Variants in SHQ1 observed in about 807,000 individuals in gnomAD.
The protein encoded by SHQ1 is protein SHQ1 homolog.
A neutral mutation model predicts 53.8 loss-of-function variants in SHQ1; 49 were observed. The observed-to-expected ratio is 0.91, with a 90% CI of 0.72 to 1.16. The LOEUF (loss-of-function observed/expected upper bound fraction) is 1.16. Ranked by LOEUF, SHQ1 falls within the 50% of genes most tolerant of loss-of-function variation. SHQ1 has a pLI of 0.00. For synonymous variants in SHQ1, 243 were observed against 251.0 expected (o/e 0.97, Z 0.30); for missense variants, 738 against 683.1 (o/e 1.08, Z -0.90).
At chr3:72,801,248 T>C (rs914277690) in intron 9 of SHQ1, among the ~76,000 whole-genome samples, 8 of 152,166 alleles carry the variant, frequency 5.3e-5, no homozygotes, top group Admixed American at 2.0e-4. Flanking sequence ...CCTGAACTTT[T>C]AAAAAACCCA....
At chr3:72,734,126 C>T in the SHQ1 span, among the ~76,000 whole-genome samples, 2 of 151,372 alleles carry the variant, frequency 1.3e-5, no homozygotes, top group South Asian at 2.1e-4. Flanking sequence ...TGCCACTGCA[C>T]TCCAGCCTGG....
chr3:72,788,660 AAG>A (rs780038530), intron 10 of SHQ1, among the ~76,000 whole-genome samples: 4 of 152,232 alleles, frequency 2.6e-5, no homozygotes, highest in Non-Finnish European at 4.4e-5. Context: ...GGAGAAAAGA[AAG>A]AGAGATCAGA....
At chr3:72,826,596 G>C (rs1332422944) in intron 5 of SHQ1, among the ~76,000 whole-genome samples, 1 of 152,106 alleles carries the variant, frequency 6.6e-6, no homozygotes, top group Non-Finnish European at 1.5e-5. Context: ...TTACAATATA[G>C]CAAAATGCTA....
chr3:72,788,476 G>A (rs1190004135), intron 10 of SHQ1, among the ~76,000 whole-genome samples: 4 of 151,184 alleles, frequency 2.6e-5, no homozygotes, highest in Admixed American at 1.3e-4. Flanking sequence ...GTCTCCGCCC[G>A]GCAGCCGCCG....
At chr3:72,792,311 G>C (rs555208242) in intron 10 of SHQ1, among the ~76,000 whole-genome samples, 2 of 152,258 alleles carry the variant, frequency 1.3e-5, no homozygotes, top group Admixed American at 6.5e-5. Flanking sequence ...CAATAGCAAG[G>C]CAATCAATAT....
chr3:72,827,753 C>CTTTTTT (rs397877851), intron 5 of SHQ1, among the ~76,000 whole-genome samples: 1 of 111,688 alleles, frequency 9.0e-6, no homozygotes, highest in African/African-American at 3.5e-5. Context: ...TTTTTCAAGA[C>CTTTTTT]TTTTTTTTTT....
intron 10 of SHQ1, among the ~76,000 whole-genome samples, chr3:72,767,384 G>A (rs187498008): frequency 3.3e-5 from 5 of 152,262 alleles, no homozygotes; most frequent in East Asian, 1.9e-4. Context: ...GTTGATTACC[G>A]ACATACAAGT....
intron 9 of SHQ1, among the ~76,000 whole-genome samples, chr3:72,802,505 ACT>A (rs1242445731): frequency 6.6e-6 from 1 of 152,158 alleles, no homozygotes; most frequent in Non-Finnish European, 1.5e-5. Context: ...GTCCCAGCAC[ACT>A]GTTTCTACCT....
chr3:72,816,241 C>T (rs1409370577), intron 7 of SHQ1, among the ~76,000 whole-genome samples: 4 of 152,000 alleles, frequency 2.6e-5, no homozygotes, highest in East Asian at 1.9e-4. Flanking sequence ...ATAGTATACA[C>T]GTTAGGACCT....
At chr3:72,780,673 A>T (rs1396603311) in intron 10 of SHQ1, among the ~76,000 whole-genome samples, 1 of 152,242 alleles carries the variant, frequency 6.6e-6, no homozygotes, top group Non-Finnish European at 1.5e-5. Context: ...TATAGGATAC[A>T]TACACACCGA....
chr3:72,839,378 C>G (rs1440031295), intron 4 of SHQ1, among the ~76,000 whole-genome samples: 1 of 152,220 alleles, frequency 6.6e-6, no homozygotes, highest in Non-Finnish European at 1.5e-5. Flanking sequence ...CACAACTCAG[C>G]AGAAAAACAC....
chr3:72,836,550 G>A (rs907941995), intron 4 of SHQ1, among the ~76,000 whole-genome samples: 1 of 152,000 alleles, frequency 6.6e-6, no homozygotes, highest in African/African-American at 2.4e-5. Context: ...TCCAGATTCA[G>A]GGCCTCCACT....
chr3:72,813,423 G>A (rs966961701), intron 8 of SHQ1, among the ~76,000 whole-genome samples: 6 of 139,056 alleles, frequency 4.3e-5, no homozygotes, highest in Non-Finnish European at 7.6e-5. Context: ...TCAAGATGGC[G>A]CTACTGCACT....
At position 72,830,055 on chromosome 3, in the gene SHQ1, C is replaced by G. The variant is rs182755331; in HGVS notation, c.599+2314G>C. ...TAAGAAATGGATAATAAAAAACAAT[C>G]AACATTTATGGATCATCTGTTACAT... On this transcript the variant is annotated intron_variant, in intron 5 of 10. Transcript: ENST00000325599. Among the ~76,000 whole-genome samples the G allele has an allele frequency of 2.0e-3, 292 of 148,474 alleles. 1 individual carries two copies. The highest frequency in any genetic ancestry group is 3.6e-3 in the Middle Eastern group (1 of 280).
chr3:72,786,898 G>C (rs1205366863), intron 10 of SHQ1, among the ~76,000 whole-genome samples: 9 of 152,158 alleles, frequency 5.9e-5, no homozygotes, highest in Non-Finnish European at 7.3e-5. Flanking sequence ...TTTGGCAGAG[G>C]AACCAGGAAC....
At chr3:72,813,726 A>C (rs1475109339) in intron 8 of SHQ1, among the ~76,000 whole-genome samples, 2 of 143,618 alleles carry the variant, frequency 1.4e-5, no homozygotes, top group Non-Finnish European at 3.0e-5. Flanking sequence ...GCGCCACTGC[A>C]CTCCAGCCTA....
chr3:72,746,433 G>A (rs1221050849), downstream of SHQ1, among the ~76,000 whole-genome samples: 2 of 152,196 alleles, frequency 1.3e-5, no homozygotes, highest in East Asian at 1.9e-4. Context: ...CACCTCTGGA[G>A]GTGTTTTGGG....
chr3:72,815,351 T>C lies in SHQ1; in HGVS notation c.935A>G (p.Glu312Gly). The change falls in exon 8 of 11, where the codon GAG (glutamate) becomes GGG (glycine). Residue 312 changes from glutamate (E) to glycine (G), a missense_variant and splice_region_variant. Coordinates refer to ENST00000325599, the MANE Select transcript of SHQ1 (RefSeq NM_018130.3). ...RKLSPTLCWF[E>G]TWTNVHDIMV... ...AACAATTGCAACTGGAAATCATACC[T>C]CAAACCAGCATAGTGTTGGACTCAG... 1.2e-6 allele frequency: 2 copies of C among 1,612,900 alleles called. No individual in the cohort carries two copies. Among genetic ancestry groups the C allele is most frequent in the Non-Finnish European group, 1.7e-6 (2 of 1,179,250 alleles).
chr3:72,778,450 AAAAAGAAAAG>A lies in SHQ1; in HGVS notation c.1181+14456_1181+14465del, dbSNP rs533692654. Among the ~76,000 whole-genome samples, 612 of 152,184 alleles carry A rather than the reference AAAAAGAAAAG, an allele frequency of 4.0e-3. 5 individuals carry two copies. Among genetic ancestry groups the A allele is most frequent in the African/African-American group, 0.013 (558 of 41,494 alleles). On this transcript the variant is annotated intron_variant, in intron 10 of 10. Coordinates refer to ENST00000325599, the MANE Select transcript of SHQ1 (RefSeq NM_018130.3). The stretch of plus-strand genomic sequence containing the variant: ...GGTGACAGAAACCCTGTCTCTTTAA[AAAAAGAAAAG>A]AAAAGAAAAGAAAAGAAAAAAAAGA...
Sources: allele counts gnomAD v4.1 joint callset (sites outside exome capture counted in the v4.1 genomes callset), GRCh38; gene constraint gnomAD v4.1.1; transcripts MANE v1.5; gene names NCBI Gene and HGNC (gene_info 2026-07-23, HGNC 2026-07-21).